The following PIP5K1B variants were observed in gnomAD, a reference collection of about 807,000 sequenced individuals.
PIP5K1B encodes phosphatidylinositol 4-phosphate 5-kinase type-1 beta.
A neutral mutation model predicts 67.0 loss-of-function variants in PIP5K1B; 42 were observed. The ratio of observed to expected loss-of-function variants is 0.63; its 90% CI spans 0.49 to 0.81. PIP5K1B has a LOEUF of 0.81. Ranked by LOEUF, PIP5K1B falls within the 30% of genes least tolerant of loss-of-function variation. PIP5K1B has a pLI of 0.00. For synonymous variants in PIP5K1B, 214 were observed against 231.4 expected, an observed-to-expected ratio of 0.92 and a Z score of 0.68; for missense variants, 459 against 646.3, an observed-to-expected ratio of 0.71 and a Z score of 3.14.
At chr9:68,927,989 C>T (rs1196046141) in intron 12 of PIP5K1B, among the ~76,000 whole-genome samples, 1 of 151,794 alleles carries the variant, frequency 6.6e-6, no homozygotes, top group Non-Finnish European at 1.5e-5. Flanking sequence ...GTTGTTTCAC[C>T]ACCATTTGTT....
chr9:68,730,912 C>A (rs1202046311), intron 1 of PIP5K1B, among the ~76,000 whole-genome samples: 1 of 152,210 alleles, frequency 6.6e-6, no homozygotes, highest in African/African-American at 2.4e-5. Context: ...TCCAATATTT[C>A]TTCTCCCCTC....
intron 4 of PIP5K1B, among the ~76,000 whole-genome samples, chr9:68,837,359 T>C (rs10448338): frequency 0.094 from 14,374 of 152,254 alleles, 857 homozygotes; most frequent in Non-Finnish European, 0.14. Flanking sequence ...TCCTCAAGAG[T>C]ACTAAGCACT....
At chr9:68,826,022 T>A (rs1833959868) in intron 4 of PIP5K1B, among the ~76,000 whole-genome samples, 1 of 152,216 alleles carries the variant, frequency 6.6e-6, no homozygotes, top group Non-Finnish European at 1.5e-5. Context: ...GTTGACCATT[T>A]CCTGAATCCA....
At chr9:69,003,481 G>GAA (rs1830919784) in intron 15 of PIP5K1B, among the ~76,000 whole-genome samples, 5 of 45,622 alleles carry the variant, frequency 1.1e-4, no homozygotes, top group African/African-American at 3.0e-4. Context: ...AAAAAAAAGG[G>GAA]GGGGGGATAT....
chr9:68,918,593 T>G (rs1430031473), intron 9 of PIP5K1B, among the ~76,000 whole-genome samples: 1 of 152,128 alleles, frequency 6.6e-6, no homozygotes, highest in East Asian at 1.9e-4. Flanking sequence ...GCAACCAAAG[T>G]AAGTTATTGA....
intron 12 of PIP5K1B, among the ~76,000 whole-genome samples, chr9:68,933,757 A>G (rs1202545173): frequency 6.6e-6 from 1 of 152,168 alleles, no homozygotes; most frequent in Non-Finnish European, 1.5e-5. Context: ...TGATGATATT[A>G]TTATGATTCT....
At chr9:69,005,712 G>A (rs1339132366) in intron 15 of PIP5K1B, among the ~76,000 whole-genome samples, 3 of 152,036 alleles carry the variant, frequency 2.0e-5, no homozygotes, top group Non-Finnish European at 4.4e-5. Context: ...TCTTGTGGTT[G>A]AAACAGAACT....
intron 2 of PIP5K1B, among the ~76,000 whole-genome samples, chr9:68,749,851 CAT>C (rs1829532927): frequency 6.6e-6 from 1 of 152,166 alleles, no homozygotes; most frequent in Non-Finnish European, 1.5e-5. Context: ...AACATTGCCA[CAT>C]GTCAACTGGG....
intron 2 of PIP5K1B, among the ~76,000 whole-genome samples, chr9:68,806,813 T>C (rs982473269): frequency 6.6e-6 from 1 of 152,206 alleles, no homozygotes; most frequent in African/African-American, 2.4e-5. Context: ...CTAGGGAAAT[T>C]GTTGGTTTGT....
At chr9:68,890,475 T>A (rs1824729946) in intron 7 of PIP5K1B, among the ~76,000 whole-genome samples, 1 of 152,194 alleles carries the variant, frequency 6.6e-6, no homozygotes, top group Admixed American at 6.5e-5. Flanking sequence ...TCTTTGTTTT[T>A]AAAAATGCAT....
intron 6 of PIP5K1B, among the ~76,000 whole-genome samples, chr9:68,879,093 T>C (rs1473019534): frequency 6.6e-6 from 1 of 152,198 alleles, no homozygotes; most frequent in African/African-American, 2.4e-5. Flanking sequence ...AATATAAAGA[T>C]TGACAAGATA....
chr9:68,839,630 T>C (rs74597576), intron 4 of PIP5K1B, among the ~76,000 whole-genome samples: 2,780 of 152,306 alleles, frequency 0.018, 86 homozygotes, highest in African/African-American at 0.062. Flanking sequence ...AACAGAAAAT[T>C]ATCAAAATCT....
At chr9:68,836,640 C>T (rs543177634) in intron 4 of PIP5K1B, among the ~76,000 whole-genome samples, 3 of 151,864 alleles carry the variant, frequency 2.0e-5, no homozygotes, top group East Asian at 3.9e-4. Flanking sequence ...CACACACACA[C>T]ATATGTATAG....
chr9:68,747,437 T>C (rs2132337178), intron 2 of PIP5K1B, among the ~76,000 whole-genome samples: 1 of 152,050 alleles, frequency 6.6e-6, no homozygotes, highest in East Asian at 1.9e-4. Context: ...TTATGCTGTC[T>C]TTTTGATGAG....
chr9:68,781,216 G>A, intron 2 of PIP5K1B: 4 of 699,904 alleles, frequency 5.7e-6, no homozygotes, highest in Admixed American at 6.4e-5. Context: ...CTTGAATTCA[G>A]TGTAGTAATA....
At chr9:68,998,918 C>A (rs1830701791) in intron 15 of PIP5K1B, among the ~76,000 whole-genome samples, 1 of 152,204 alleles carries the variant, frequency 6.6e-6, no homozygotes, top group South Asian at 2.1e-4. Context: ...TCTGCCTCTG[C>A]TGGTTTCCAA....
At chr9:68,773,108 A>C (rs1029920809) in intron 2 of PIP5K1B, among the ~76,000 whole-genome samples, 1 of 152,162 alleles carries the variant, frequency 6.6e-6, no homozygotes, top group Non-Finnish European at 1.5e-5. Context: ...GCACTAATAC[A>C]CTGAGCTCTT....
Position 68,753,782 on chromosome 9 carries a change from G to T in PIP5K1B, c.-86+11125G>T, listed in dbSNP as rs575415714. Among the ~76,000 whole-genome samples the T allele has an allele frequency of 2.6e-5, 4 of 151,572 alleles. No individual in the cohort carries two copies. The East Asian group carries it at 7.8e-4, about 30-fold the overall frequency. On this transcript the variant is annotated intron_variant, in intron 2 of 15. Coordinates refer to ENST00000265382, the MANE Select transcript of PIP5K1B (RefSeq NM_003558.4). The stretch of plus-strand genomic sequence containing the variant: ...CTTGTGATCTGCCCGCCTCGGCCTC[G>T]CAAAGTGCTGGGATTACAGGCGTGA...
intron 15 of PIP5K1B, among the ~76,000 whole-genome samples, chr9:68,998,078 T>C (rs926583631): frequency 5.9e-5 from 9 of 151,558 alleles, no homozygotes; most frequent in African/African-American, 2.2e-4. Context: ...TTTTCTTTTT[T>C]TTTTTTGTTT....
Sources: gnomAD v4.1 joint callset for allele counts (sites outside exome capture counted in the v4.1 genomes callset) on GRCh38, gnomAD v4.1.1 for gene constraint, MANE v1.5 for transcripts, NCBI Gene and HGNC (gene_info 2026-07-23, HGNC 2026-07-21) for gene names.